Variants in GRIK4 observed in about 807,000 individuals in gnomAD.
GRIK4 encodes glutamate receptor ionotropic, kainate 4.
Under a neutral mutation model 104.9 loss-of-function variants are expected in GRIK4, and 40 were observed. The ratio of observed to expected loss-of-function variants is 0.38; its 90% CI spans 0.30 to 0.50. The LOEUF is 0.50. GRIK4 is among the 20% of genes least tolerant of loss of function. The pLI is 0.93. For synonymous variants in GRIK4, 485 were observed against 524.9 expected (o/e 0.92, Z 1.04); for missense variants, 1,047 against 1,308.1 (o/e 0.80, Z 3.08).
intron 1 of GRIK4, among the ~76,000 whole-genome samples, chr11:120,631,800 G>A (rs1430661472): frequency 6.6e-6 from 1 of 152,110 alleles, no homozygotes; most frequent in Admixed American, 6.5e-5. Context: ...TCAAATTACT[G>A]TTTACTCCAG....
chr11:120,663,499 C>T (rs1006578608), intron 3 of GRIK4, among the ~76,000 whole-genome samples: 1 of 152,174 alleles, frequency 6.6e-6, no homozygotes, highest in African/African-American at 2.4e-5. Flanking sequence ...GTTATATTCT[C>T]CTACAGTTTC....
At chr11:120,860,220 A>G (rs1294704929) in intron 8 of GRIK4, among the ~76,000 whole-genome samples, 1 of 152,162 alleles carries the variant, frequency 6.6e-6, no homozygotes, top group Admixed American at 6.5e-5. Flanking sequence ...CATGAAATGA[A>G]TGTGATTTTT....
chr11:120,699,438 C>T (rs531189980), intron 3 of GRIK4, among the ~76,000 whole-genome samples: 6 of 152,102 alleles, frequency 3.9e-5, no homozygotes, highest in African/African-American at 7.2e-5. Context: ...TTTCCTGCTA[C>T]GGACCAGGTA....
intron 13 of GRIK4, among the ~76,000 whole-genome samples, chr11:120,917,171 C>T (rs557492159): frequency 8.1e-5 from 11 of 135,524 alleles, no homozygotes; most frequent in African/African-American, 2.2e-4. Flanking sequence ...TGCTTGAACC[C>T]GGGAGGCGGA....
intron 3 of GRIK4, 41 bp from the exon 4 acceptor site, chr11:120,802,652 G>A (rs778294790): frequency 2.9e-5 from 45 of 1,555,646 alleles, no homozygotes; most frequent in Admixed American, 1.0e-4. Context: ...TAACAGTAGC[G>A]GTGGAGTACC....
At chr11:120,654,878 C>A (rs1376938092) in intron 2 of GRIK4, among the ~76,000 whole-genome samples, 1 of 152,126 alleles carries the variant, frequency 6.6e-6, no homozygotes, top group East Asian at 1.9e-4. Flanking sequence ...CCAGACCAAG[C>A]CCCAGGCACA....
intron 8 of GRIK4, among the ~76,000 whole-genome samples, chr11:120,852,996 C>T (rs1238851009): frequency 6.6e-6 from 1 of 152,178 alleles, no homozygotes; most frequent in Non-Finnish European, 1.5e-5. Flanking sequence ...TGTTTTTAGT[C>T]AACAGCCTTG....
chr11:120,962,461 C>T lies in GRIK4; in HGVS notation c.2046C>T (p.Ser682=). 3.1e-6 allele frequency: 5 copies of T among 1,608,142 alleles called. No homozygotes were observed. Among genetic ancestry groups the T allele is most frequent in the Non-Finnish European group, 4.3e-6 (5 of 1,175,308 alleles). Residue 682 remains serine (S), a synonymous_variant, in exon 18 of 21, where the codon TCC becomes TCT. Coordinates refer to ENST00000527524, the MANE Select transcript of GRIK4 (RefSeq NM_014619.5). Reference sequence around the variant, plus strand: ...TCCTTTTGTTCTTTTCCCAGAATTCCCGCTACCAGACCTACCAACGCATGT... The same window carrying T: ...TCCTTTTGTTCTTTTCCCAGAATTCTCGCTACCAGACCTACCAACGCATGT... The part of the protein sequence containing the change: ...GGSSMTFFQN[S]RYQTYQRMWN...
chr11:120,777,547 C>T (rs1016107856), intron 3 of GRIK4, among the ~76,000 whole-genome samples: 1 of 152,250 alleles, frequency 6.6e-6, no homozygotes, highest in African/African-American at 2.4e-5. Context: ...ACAAAACAGA[C>T]ACAATCCCTG....
At chr11:120,633,347 G>A (rs935094745) in intron 1 of GRIK4, among the ~76,000 whole-genome samples, 2 of 152,286 alleles carry the variant, frequency 1.3e-5, no homozygotes, top group Admixed American at 1.3e-4. Flanking sequence ...TTCTCGATGG[G>A]GAGCGGAGAG....
intron 17 of GRIK4, 107 bp from the exon 18 acceptor site, chr11:120,962,349 A>C: frequency 1.5e-6 from 1 of 682,018 alleles, no homozygotes; most frequent in Non-Finnish European, 2.5e-6. Flanking sequence ...CAGCGGGTGG[A>C]GAAGCAGAAG....
intron 3 of GRIK4, among the ~76,000 whole-genome samples, chr11:120,744,937 T>A (rs568379710): frequency 4.1e-4 from 62 of 152,240 alleles, no homozygotes; most frequent in Non-Finnish European, 7.5e-4. Context: ...AGGCAATTTC[T>A]GGGCTTGGAA....
chr11:120,681,503 C>G (rs11217972), intron 3 of GRIK4, among the ~76,000 whole-genome samples: 1 of 152,114 alleles, frequency 6.6e-6, no homozygotes, highest in African/African-American at 2.4e-5. Flanking sequence ...CATTTTGCCC[C>G]GCTAAGTATT....
chr11:120,836,675 C>T (rs1463493485), intron 7 of GRIK4, 116 bp from the exon 8 acceptor site: 6 of 743,222 alleles, frequency 8.1e-6, no homozygotes, highest in South Asian at 1.5e-5. Flanking sequence ...TTCTGTTCTG[C>T]CTGGTGCCAA....
At chr11:120,871,953 C>G (rs1024409905) in intron 9 of GRIK4, 9 of 455,326 alleles carry the variant, frequency 2.0e-5, no homozygotes, top group African/African-American at 1.8e-4. Context: ...ACCCAGTTCC[C>G]CTCATAGGCC....
chr11:120,679,624 G>T (rs901880532), intron 3 of GRIK4, among the ~76,000 whole-genome samples: 2 of 152,174 alleles, frequency 1.3e-5, no homozygotes, highest in Non-Finnish European at 2.9e-5. Context: ...AACCTGTAGT[G>T]TCTCCACCCT....
intron 3 of GRIK4, among the ~76,000 whole-genome samples, chr11:120,777,341 T>C (rs937182580): frequency 2.6e-5 from 4 of 152,226 alleles, no homozygotes; most frequent in Non-Finnish European, 4.4e-5. Flanking sequence ...GATTTCTATC[T>C]TACAACTTGG....
Position 120,623,917 on chromosome 11 carries a change from C to G in GRIK4, c.-158-29768C>G, listed in dbSNP as rs570717619. On this transcript the variant is annotated intron_variant, in intron 1 of 20. Coordinates refer to ENST00000527524, the MANE Select transcript of GRIK4 (RefSeq NM_014619.5). Reference sequence around the variant, plus strand: ...GTGGCACCCTGCTTCTCTCTGGGCCCTCCCCGTTCCTCCTCCTCCTCCTCT... The same window carrying G: ...GTGGCACCCTGCTTCTCTCTGGGCCGTCCCCGTTCCTCCTCCTCCTCCTCT... Among the ~76,000 whole-genome samples, 7 of 152,028 alleles carry G rather than the reference C, an allele frequency of 4.6e-5. No homozygotes were observed. The South Asian group carries it at 1.5e-3, about 32-fold the overall frequency.
At chr11:120,930,552 C>T (rs1354271570) in intron 13 of GRIK4, among the ~76,000 whole-genome samples, 1 of 152,158 alleles carries the variant, frequency 6.6e-6, no homozygotes, top group East Asian at 1.9e-4. Flanking sequence ...TGAGTCCAGG[C>T]ATCCTGTACT....
Sources: gnomAD v4.1 joint callset for allele counts (sites outside exome capture counted in the v4.1 genomes callset) on GRCh38, gnomAD v4.1.1 for gene constraint, MANE v1.5 for transcripts, NCBI Gene and HGNC (gene_info 2026-07-23, HGNC 2026-07-21) for gene names.